Variants in TBXAS1 observed in about 807,000 individuals in gnomAD.
The protein encoded by TBXAS1 is thromboxane A synthase 1.
Under a neutral mutation model 60.7 loss-of-function variants are expected in TBXAS1, and 48 were observed. That is an observed-to-expected ratio of 0.79 (90% CI 0.63 to 1.01). The LOEUF (loss-of-function observed/expected upper bound fraction) is 1.01. Ranked by LOEUF, TBXAS1 falls within the 50% of genes least tolerant of loss-of-function variation. TBXAS1 has a pLI of 0.00. For synonymous variants in TBXAS1, 287 were observed against 269.7 expected (o/e 1.06, Z -0.63); for missense variants, 685 against 686.3 (o/e 1.00, Z 0.02).
Position 139,829,383 on chromosome 7 carries a change from G to A in TBXAS1, c.-8G>A. On this transcript the variant is annotated 5_prime_UTR_variant, in exon 1 of 13. Coordinates refer to ENST00000448866, the MANE Select transcript of TBXAS1 (RefSeq NM_001061.7). ...GGAAGACCACCACTCTGGGGTCTCA[G>A]AGGAATGATGGAAGCCTTGGGGTTT... The A allele has an allele frequency of 6.2e-7, 1 of 1,613,186 alleles. No individual in the cohort carries two copies. The highest frequency in any genetic ancestry group is 1.1e-5 in the South Asian group (1 of 90,692).
Position 139,955,734 on chromosome 7 carries a change from C to T in TBXAS1, c.688+127C>T, listed in dbSNP as rs921958404. On this transcript the variant is annotated intron_variant, in intron 7 of 12. Transcript: ENST00000448866. ...AAAGGGCACTCGGGTTGTTCCCCTGCAGAGGCTTTGTCTTATGGAGCCACC... is the reference window on the plus strand; with the variant it reads ...AAAGGGCACTCGGGTTGTTCCCCTGTAGAGGCTTTGTCTTATGGAGCCACC... 9.3e-6 allele frequency: 13 copies of T among 1,403,314 alleles called. 2 individuals are homozygous for T. In the South Asian group the frequency reaches 1.4e-4, roughly 15 times the overall value. 86.9% of individuals were successfully genotyped at this position (1,403,314 alleles called of 1,614,324 possible). A position where few individuals can be genotyped will look rare whatever the true frequency, so the allele number is the denominator to read the frequency against.
rs758990676 is a variant in TBXAS1, at chr7:140,015,849, C to G, written c.1353C>G (p.Phe451Leu). 8 of 1,613,768 alleles carry G rather than the reference C, an allele frequency of 5.0e-6. No homozygotes were observed. In the Admixed American group the frequency reaches 6.7e-5, roughly 13 times the overall value. Residue 451 changes from phenylalanine (F) to leucine (L), a missense_variant, in exon 11 of 13, where the codon TTC (phenylalanine) becomes TTG (leucine). Phe to Leu is a conservative substitution (Grantham distance 22). Coordinates refer to ENST00000448866, the MANE Select transcript of TBXAS1 (RefSeq NM_001061.7). ...DPEHWPSPET[F>L]NPERFTAEAR... ...AGCACTGGCCAAGCCCGGAGACCTT[C>G]AACCCTGAAAGGTGAGTACTGCCCC...
intron 2 of TBXAS1, among the ~76,000 whole-genome samples, chr7:139,781,470 G>A (rs1231082520): frequency 2.0e-5 from 3 of 152,120 alleles, no homozygotes; most frequent in East Asian, 1.9e-4. Flanking sequence ...CAGCCAGGAC[G>A]GGGGATTCCT....
intron 7 of TBXAS1, 141 bp downstream of exon 7, chr7:139,955,748 T>C (rs1809820898): frequency 1.6e-6 from 2 of 1,279,024 alleles, no homozygotes; most frequent in Non-Finnish European, 2.2e-6. Context: ...GGCTTTGTCT[T>C]ATGGAGCCAC....
intron 4 of TBXAS1, among the ~76,000 whole-genome samples, chr7:139,934,098 C>T (rs1807551386): frequency 6.6e-6 from 1 of 152,204 alleles, no homozygotes; most frequent in African/African-American, 2.4e-5. Context: ...CAGGAAAATT[C>T]ACTTTCCATC....
intron 4 of TBXAS1, among the ~76,000 whole-genome samples, chr7:139,820,067 C>T (rs1332282617): frequency 6.6e-6 from 1 of 152,040 alleles, no homozygotes; most frequent in African/African-American, 2.4e-5. Flanking sequence ...TCTGAGCATG[C>T]TGTCTGTCTC....
intron 3 of TBXAS1, among the ~76,000 whole-genome samples, chr7:139,899,996 C>T (rs73734141): frequency 6.6e-6 from 1 of 152,306 alleles, no homozygotes; most frequent in African/African-American, 2.4e-5. Flanking sequence ...TGTCCTCATC[C>T]ATTTTCTATG....
In TBXAS1 at chr7:139,986,453, G is replaced by T. The variant is rs997524708; in HGVS notation, c.1135-20638G>T. On this transcript the variant is annotated intron_variant, in intron 9 of 12. Transcript: ENST00000448866. ...TTTAGGGGTGATTTGTGAGATTTTG[G>T]TGCACCCATCACCCAAGCAGTATAT... Among the ~76,000 whole-genome samples, 7 of 151,870 alleles carry T rather than the reference G, an allele frequency of 4.6e-5. No individual in the cohort carries two copies. In the East Asian group the frequency reaches 7.7e-4, roughly 17 times the overall value.
At chr7:139,943,876 T>TA (rs943640722) in intron 5 of TBXAS1, among the ~76,000 whole-genome samples, 5 of 152,006 alleles carry the variant, frequency 3.3e-5, no homozygotes. Flanking sequence ...TTTTTCATTT[T>TA]AAAAAAAAAC....
chr7:139,979,135 A>G (rs139150800), intron 9 of TBXAS1, among the ~76,000 whole-genome samples: 66 of 152,196 alleles, frequency 4.3e-4, no homozygotes, highest in Non-Finnish European at 8.2e-4. Context: ...GCTTATATAC[A>G]GTGGAATGGC....
At chr7:139,908,982 A>G (rs1805311671) in intron 3 of TBXAS1, among the ~76,000 whole-genome samples, 1 of 152,234 alleles carries the variant, frequency 6.6e-6, no homozygotes, top group Admixed American at 6.5e-5. Context: ...TCAGCACTTG[A>G]AAAATGTGCC....
intron 9 of TBXAS1, among the ~76,000 whole-genome samples, chr7:139,966,836 G>A (rs539784620): frequency 6.6e-6 from 1 of 152,142 alleles, no homozygotes; most frequent in Non-Finnish European, 1.5e-5. Context: ...GCCGCCCTGC[G>A]GGAGGAGAGG....
At chr7:139,949,671 T>C (rs1273499558) in intron 5 of TBXAS1, among the ~76,000 whole-genome samples, 3 of 152,220 alleles carry the variant, frequency 2.0e-5, no homozygotes, top group African/African-American at 7.2e-5. Context: ...AACACAGAGA[T>C]ACTAAGAATA....
At chr7:139,935,067 G>A (rs1807639935) in intron 4 of TBXAS1, among the ~76,000 whole-genome samples, 2 of 152,170 alleles carry the variant, frequency 1.3e-5, no homozygotes, top group South Asian at 4.1e-4. Flanking sequence ...ACCCACCTTG[G>A]CCTCCCAGCG....
chr7:139,889,141 G>C (rs1451614760), intron 3 of TBXAS1, among the ~76,000 whole-genome samples: 2 of 151,868 alleles, frequency 1.3e-5, no homozygotes, highest in Non-Finnish European at 2.9e-5. Flanking sequence ...GAGACAGCCT[G>C]GGCAATATAG....
At chr7:139,796,956 C>T (rs59219352) in intron 4 of TBXAS1, among the ~76,000 whole-genome samples, 5 of 152,276 alleles carry the variant, frequency 3.3e-5, no homozygotes, top group East Asian at 1.9e-4. Flanking sequence ...GTTAAACTTG[C>T]GCTTGACATG....
chr7:139,986,896 G>A (rs1354322224), intron 9 of TBXAS1, among the ~76,000 whole-genome samples: 1 of 150,978 alleles, frequency 6.6e-6, no homozygotes, highest in African/African-American at 2.4e-5. Context: ...TTGTGTGCAA[G>A]TTTGCTTTTA....
Position 139,829,331 on chromosome 7 carries a change from C to T in TBXAS1, c.-60C>T, listed in dbSNP as rs566610125. 4.0e-5 allele frequency: 61 copies of T among 1,519,622 alleles called. No homozygotes were observed. In the African/African-American group the frequency reaches 4.2e-4, roughly 11 times the overall value. The allele number at this position is 1,519,622 out of a possible 1,614,324, so 94.1% of individuals were successfully genotyped here. A position where few individuals can be genotyped will look rare whatever the true frequency, so the allele number is the denominator to read the frequency against. On this transcript the variant is annotated 5_prime_UTR_variant, in exon 1 of 13. Transcript: ENST00000448866. ...CTGCAGAGCACGGTTCCCATAAGGG[C>T]GGCGAGATCAGCCTCCTGTCTCATC... is the stretch of plus-strand genomic sequence containing the variant.
rs1451951678 is a variant in TBXAS1 at position 140,007,175 on chromosome 7, G to A, written c.1219G>A (p.Ala407Thr). 1.2e-6 allele frequency: 2 copies of A among 1,614,106 alleles called. No individual in the cohort carries two copies. Among genetic ancestry groups the A allele is most frequent in the Admixed American group, 1.7e-5 (1 of 60,016 alleles). ...IAETLRMYPP[A>T]FRFTREAAQD... ...AGAGACGCTGAGGATGTACCCGCCAGCTTTCAGGTGTGTGGTAGCCCCCTC... is the reference window on the plus strand; with the variant it reads ...AGAGACGCTGAGGATGTACCCGCCAACTTTCAGGTGTGTGGTAGCCCCCTC... The change falls in exon 10 of 13, where the codon GCT becomes ACT. Residue 407 changes from alanine (A) to threonine (T), a missense_variant. Transcript: ENST00000448866.
Sources: allele counts gnomAD v4.1 joint callset (sites outside exome capture counted in the v4.1 genomes callset), GRCh38; gene constraint gnomAD v4.1.1; transcripts MANE v1.5; gene names NCBI Gene and HGNC (gene_info 2026-07-23, HGNC 2026-07-21).